The following RAB3C variants were observed in gnomAD, a reference collection of about 807,000 sequenced individuals.
The protein encoded by RAB3C is ras-related protein Rab-3C.
Under a neutral mutation model 26.4 loss-of-function variants are expected in RAB3C, and 17 were observed. The ratio of observed to expected loss-of-function variants is 0.64; its 90% CI spans 0.44 to 0.97. The LOEUF (loss-of-function observed/expected upper bound fraction) is 0.97, where lower values mean the gene tolerates loss of function less well. Ranked by LOEUF, RAB3C falls within the 50% of genes least tolerant of loss-of-function variation. RAB3C has a pLI of 0.00. For synonymous variants in RAB3C, 91 were observed against 95.9 expected (o/e 0.95, Z 0.30); for missense variants, 242 against 281.9 (o/e 0.86, Z 1.01).
chr5:58,603,385 C>T (rs936494313), intron 1 of RAB3C, among the ~76,000 whole-genome samples: 2 of 152,136 alleles, frequency 1.3e-5, no homozygotes, highest in Non-Finnish European at 2.9e-5. Flanking sequence ...GGAAGTTTTC[C>T]TCAATTATTC....
chr5:58,693,531 A>G (rs927067352), intron 2 of RAB3C, among the ~76,000 whole-genome samples: 26 of 151,970 alleles, frequency 1.7e-4, no homozygotes, highest in African/African-American at 6.3e-4. Context: ...AAACACTGCA[A>G]TATTTTGTTT....
rs1318493331 is a variant in RAB3C at position 58,694,232 on chromosome 5, G to A, written c.253-31770G>A. Among the ~76,000 whole-genome samples, 6 of 152,162 alleles carry A rather than the reference G, an allele frequency of 3.9e-5. No homozygotes were observed. In the East Asian group the frequency reaches 1.2e-3, roughly 29 times the overall value. ...AGTTTGCTGAGAATGATGGTTTCCAGTTTCATCCATGTCCCTGCAAAGGAC... is the reference window on the plus strand; with the variant it reads ...AGTTTGCTGAGAATGATGGTTTCCAATTTCATCCATGTCCCTGCAAAGGAC... On this transcript the variant is annotated intron_variant, in intron 2 of 4. Transcript: ENST00000282878.
intron 2 of RAB3C, among the ~76,000 whole-genome samples, chr5:58,691,096 G>GT: frequency 6.7e-6 from 1 of 149,022 alleles, no homozygotes; most frequent in South Asian, 2.1e-4. Context: ...ACAATTTCCA[G>GT]TAAAAAAAAA....
At chr5:58,628,569 C>A (rs958272503) in intron 2 of RAB3C, among the ~76,000 whole-genome samples, 2 of 152,192 alleles carry the variant, frequency 1.3e-5, no homozygotes, top group Admixed American at 1.3e-4. Context: ...ACCTCTCATT[C>A]ATCCCACCTT....
At chr5:58,613,197 A>G (rs1471342819) in intron 1 of RAB3C, among the ~76,000 whole-genome samples, 3 of 152,118 alleles carry the variant, frequency 2.0e-5, no homozygotes, top group African/African-American at 7.2e-5. Flanking sequence ...AAATGACACA[A>G]CAATTAAATC....
chr5:58,630,431 AT>A (rs1210073101), intron 2 of RAB3C, among the ~76,000 whole-genome samples: 1 of 152,182 alleles, frequency 6.6e-6, no homozygotes, highest in Non-Finnish European at 1.5e-5. Flanking sequence ...ATTTATTTTC[AT>A]TTTAAAATAA....
At chr5:58,650,433 C>A (rs1747620201) in intron 2 of RAB3C, among the ~76,000 whole-genome samples, 1 of 152,086 alleles carries the variant, frequency 6.6e-6, no homozygotes. Flanking sequence ...TTGAAAAGAA[C>A]AAAATGTAAA....
chr5:58,668,081 A>G (rs925206186), intron 2 of RAB3C, among the ~76,000 whole-genome samples: 2 of 152,184 alleles, frequency 1.3e-5, no homozygotes, highest in African/African-American at 4.8e-5. Flanking sequence ...TAGATGCTGT[A>G]AGTATGATAT....
intron 2 of RAB3C, among the ~76,000 whole-genome samples, chr5:58,709,842 C>G (rs1749021530): frequency 6.6e-6 from 1 of 152,088 alleles, no homozygotes; most frequent in Non-Finnish European, 1.5e-5. Flanking sequence ...TCAACATATC[C>G]AAAAAACAAG....
chr5:58,764,006 A>G (rs1741847615), intron 3 of RAB3C, among the ~76,000 whole-genome samples: 1 of 152,226 alleles, frequency 6.6e-6, no homozygotes, highest in African/African-American at 2.4e-5. Flanking sequence ...TTCTCATTGA[A>G]TAAGGTTTAC....
chr5:58,803,009 T>G (rs1742844092), intron 3 of RAB3C, among the ~76,000 whole-genome samples: 1 of 152,216 alleles, frequency 6.6e-6, no homozygotes, highest in Non-Finnish European at 1.5e-5. Context: ...CACTTGCCTT[T>G]GAGGGTAGTA....
chr5:58,805,588 T>TG (rs200366024), intron 3 of RAB3C, among the ~76,000 whole-genome samples: 3,377 of 46,452 alleles, frequency 0.073, 91 homozygotes, highest in Admixed American at 0.15. Context: ...AGACTCCATC[T>TG]GAAAAAAAAA....
At chr5:58,670,923 A>G (rs1449723240) in intron 2 of RAB3C, among the ~76,000 whole-genome samples, 1 of 152,148 alleles carries the variant, frequency 6.6e-6, no homozygotes, top group Admixed American at 6.6e-5. Flanking sequence ...TGTGAAATCA[A>G]ACTCATGTCA....
intron 1 of RAB3C, among the ~76,000 whole-genome samples, chr5:58,610,543 T>C (rs1024895100): frequency 1.3e-5 from 2 of 152,194 alleles, no homozygotes; most frequent in Admixed American, 6.6e-5. Flanking sequence ...CATTTTCTTT[T>C]CTTTTTTTCA....
chr5:58,608,451 T>G (rs1416972417), intron 1 of RAB3C, among the ~76,000 whole-genome samples: 1 of 152,212 alleles, frequency 6.6e-6, no homozygotes, highest in Non-Finnish European at 1.5e-5. Flanking sequence ...TCATCATCAC[T>G]GGCCATCAGA....
chr5:58,702,862 T>C (rs1748875593), intron 2 of RAB3C, among the ~76,000 whole-genome samples: 1 of 152,196 alleles, frequency 6.6e-6, no homozygotes, highest in Non-Finnish European at 1.5e-5. Flanking sequence ...GATATCTAAA[T>C]CTACACACTT....
At chr5:58,697,520 G>C (rs1185862012) in intron 2 of RAB3C, among the ~76,000 whole-genome samples, 4 of 152,118 alleles carry the variant, frequency 2.6e-5, no homozygotes, top group African/African-American at 9.7e-5. Context: ...ATTGGCAGTA[G>C]GGTGTTAAAG....
intron 2 of RAB3C, among the ~76,000 whole-genome samples, chr5:58,722,165 A>G (rs1214520549): frequency 6.6e-6 from 1 of 151,880 alleles, no homozygotes; most frequent in Non-Finnish European, 1.5e-5. Flanking sequence ...TCTTATGAAA[A>G]TGGGACACCA....
intron 2 of RAB3C, among the ~76,000 whole-genome samples, chr5:58,638,642 G>GA (rs763024072): frequency 6.6e-6 from 1 of 152,126 alleles, no homozygotes; most frequent in Non-Finnish European, 1.5e-5. Context: ...AGAACCTGTA[G>GA]AAAAGCAATG....
Sources: allele counts gnomAD v4.1 joint callset (sites outside exome capture counted in the v4.1 genomes callset), GRCh38; gene constraint gnomAD v4.1.1; transcripts MANE v1.5; gene names NCBI Gene and HGNC (gene_info 2026-07-23, HGNC 2026-07-21).